UBL3: variants seen among roughly 807,000 people sequenced by gnomAD.
UBL3 encodes ubiquitin like 3.
In UBL3, 6 loss-of-function variants were observed where a neutral mutation model predicts 18.4. The observed-to-expected ratio is 0.33, with a 90% CI of 0.18 to 0.64. The LOEUF is 0.64. UBL3 is among the 30% of genes least tolerant of loss of function. The pLI is 0.76. For synonymous variants in UBL3, 49 were observed against 46.6 expected, an observed-to-expected ratio of 1.05 and a Z score of -0.21; for missense variants, 109 against 142.9, an observed-to-expected ratio of 0.76 and a Z score of 1.21.
At chr13:29,798,290 T>C (rs537458848) in intron 1 of UBL3, among the ~76,000 whole-genome samples, 1 of 152,262 alleles carries the variant, frequency 6.6e-6, no homozygotes, top group African/African-American at 2.4e-5. Context: ...CCTCCCAAAG[T>C]GTTGGGATTA....
chr13:29,806,230 T>C (rs945295817), intron 1 of UBL3, among the ~76,000 whole-genome samples: 2 of 152,148 alleles, frequency 1.3e-5, no homozygotes, highest in Non-Finnish European at 2.9e-5. Context: ...TGTATTTCTA[T>C]ATTAGTAAAA....
intron 1 of UBL3, among the ~76,000 whole-genome samples, chr13:29,829,388 G>A (rs1878710641): frequency 6.6e-6 from 1 of 152,212 alleles, no homozygotes; most frequent in Non-Finnish European, 1.5e-5. Flanking sequence ...CTCAGCAATG[G>A]CGGGCGCCCC....
At chr13:29,798,171 C>T (rs1407956653) in intron 1 of UBL3, among the ~76,000 whole-genome samples, 1 of 151,898 alleles carries the variant, frequency 6.6e-6, no homozygotes, top group African/African-American at 2.4e-5. Flanking sequence ...ATTACAGGCA[C>T]CCATCCCCAT....
intron 1 of UBL3, among the ~76,000 whole-genome samples, chr13:29,796,724 T>C (rs940463641): frequency 6.6e-6 from 1 of 152,202 alleles, no homozygotes; most frequent in African/African-American, 2.4e-5. Flanking sequence ...CCCACTAAGA[T>C]GGCTATAATC....
rs150695903 is a variant in UBL3 at position 29,822,570 on chromosome 13, T to C, written c.27+26942A>G. 1.9e-3 allele frequency among the ~76,000 whole-genome samples: 295 copies of C among 152,254 alleles called. 1 individual carries two copies. Among genetic ancestry groups the C allele is most frequent in the African/African-American group, 6.7e-3 (277 of 41,552 alleles). ...TCACTGGCACAACCATATTACTCCA[T>C]AGAATCACCTGAGGTGGAGTGCAGT... On this transcript the variant is annotated intron_variant, in intron 1 of 4. Transcript: ENST00000380680.
intron 1 of UBL3, among the ~76,000 whole-genome samples, chr13:29,804,113 G>A (rs1419832433): frequency 4.7e-5 from 7 of 150,488 alleles, no homozygotes; most frequent in African/African-American, 1.7e-4. Context: ...AAATTATACT[G>A]CCATACTCTT....
rs1879325239 is a variant in UBL3 at position 29,849,863 on chromosome 13, G to A, written c.-325C>T. 2.0e-6 allele frequency: 1 copy of A among 505,390 alleles called. No individual in the cohort carries two copies. The highest frequency in any genetic ancestry group is 1.9e-5 in the African/African-American group (1 of 51,734). 31.3% of individuals were successfully genotyped at this position (505,390 alleles called of 1,614,324 possible). A position where few individuals can be genotyped will look rare whatever the true frequency, so the allele number is the denominator to read the frequency against. ...GGTGGACCGAGCCGAGTGACACACG[G>A]ACATGGAGAGGGGTGGGAGGGGGTT... On this transcript the variant is annotated 5_prime_UTR_variant, in exon 1 of 5. Coordinates refer to ENST00000380680, the MANE Select transcript of UBL3 (RefSeq NM_007106.4).
intron 1 of UBL3, among the ~76,000 whole-genome samples, chr13:29,789,054 C>T (rs1038488560): frequency 1.3e-5 from 2 of 152,098 alleles, no homozygotes; most frequent in African/African-American, 4.8e-5. Context: ...CATGCACCAC[C>T]ACACCCAGCT....
intron 1 of UBL3, 108 bp from the exon 2 acceptor site, chr13:29,777,371 C>T (rs1410814049): frequency 9.7e-6 from 8 of 824,510 alleles, no homozygotes; most frequent in Non-Finnish European, 1.2e-5. Context: ...TTACCAATGC[C>T]ATATTGTGGT....
intron 1 of UBL3, among the ~76,000 whole-genome samples, chr13:29,797,449 G>A (rs1010646756): frequency 2.6e-5 from 4 of 152,112 alleles, no homozygotes; most frequent in Admixed American, 2.6e-4. Context: ...TTAAGGTCTC[G>A]AAATACAATC....
chr13:29,832,013 C>A (rs1365084625), intron 1 of UBL3, among the ~76,000 whole-genome samples: 1 of 152,186 alleles, frequency 6.6e-6, no homozygotes, highest in East Asian at 1.9e-4. Context: ...AGTAGCCCAG[C>A]ACGTGGCTAC....
intron 1 of UBL3, among the ~76,000 whole-genome samples, chr13:29,804,371 T>A (rs1268771932): frequency 6.6e-6 from 1 of 151,902 alleles, no homozygotes; most frequent in African/African-American, 2.4e-5. Flanking sequence ...TATCAAAAAG[T>A]CTGAAAGATC....
intron 1 of UBL3, among the ~76,000 whole-genome samples, chr13:29,780,353 CA>C (rs71746248): frequency 2.5e-3 from 21 of 8,412 alleles, no homozygotes; most frequent in Admixed American, 0.013. Flanking sequence ...GACTCTGTCT[CA>C]AAAAAAAAAA....
At chr13:29,772,244 T>C (rs1245005108) in intron 2 of UBL3, 46 bp from the exon 3 acceptor site, 5 of 1,497,826 alleles carry the variant, frequency 3.3e-6, no homozygotes, top group Non-Finnish European at 4.6e-6. Flanking sequence ...CAACATATAA[T>C]TAAGGTACTA....
intron 4 of UBL3, 65 bp from the exon 5 acceptor site, chr13:29,767,372 G>T: frequency 6.3e-7 from 1 of 1,580,446 alleles, no homozygotes; most frequent in Non-Finnish European, 8.7e-7. Context: ...AATGGGCTAG[G>T]CAATCAAGTG....
At chr13:29,793,430 G>T (rs775022265) in intron 1 of UBL3, among the ~76,000 whole-genome samples, 1 of 152,086 alleles carries the variant, frequency 6.6e-6, no homozygotes, top group Non-Finnish European at 1.5e-5. Context: ...AGTTTTTAAA[G>T]AATTATCTAA....
intron 1 of UBL3, among the ~76,000 whole-genome samples, chr13:29,779,760 G>C (rs1877097924): frequency 6.6e-6 from 1 of 152,178 alleles, no homozygotes. Context: ...CAGTATTGTG[G>C]GAACAACAGA....
At chr13:29,803,481 T>C (rs778924697) in intron 1 of UBL3, among the ~76,000 whole-genome samples, 5 of 151,932 alleles carry the variant, frequency 3.3e-5, no homozygotes, top group African/African-American at 2.4e-5. Flanking sequence ...TTAAAAGGCA[T>C]AGAGTGGCAG....
At chr13:29,771,281 T>A (rs572228686) in intron 3 of UBL3, among the ~76,000 whole-genome samples, 1 of 152,164 alleles carries the variant, frequency 6.6e-6, no homozygotes, top group Admixed American at 6.6e-5. Flanking sequence ...CCTATACGTT[T>A]CCAATTATCT....
Sources: allele counts gnomAD v4.1 joint callset (sites outside exome capture counted in the v4.1 genomes callset), GRCh38; gene constraint gnomAD v4.1.1; transcripts MANE v1.5; gene names NCBI Gene and HGNC (gene_info 2026-07-23, HGNC 2026-07-21).